The following CSMD1 variants were observed in gnomAD, a reference collection of about 807,000 sequenced individuals.
CSMD1 encodes CUB and sushi domain-containing protein 1.
Under a neutral mutation model 417.5 loss-of-function variants are expected in CSMD1, and 213 were observed. That is an observed-to-expected ratio of 0.51 (90% CI 0.46 to 0.57). CSMD1 has a LOEUF of 0.57. CSMD1 is among the 20% of genes least tolerant of loss of function. The pLI is 0.00. For synonymous variants in CSMD1, 2,862 were observed against 1,736.8 expected (o/e 1.65, Z -16.11); for missense variants, 6,923 against 4,529.7 (o/e 1.53, Z -15.17).
Position 3,441,178 on chromosome 8 carries a change from G to A in CSMD1, c.1561+27534C>T, listed in dbSNP as rs763879260. On this transcript the variant is annotated intron_variant, in intron 12 of 69. Transcript: ENST00000635120. ...GACACTGTAAGCTGTAAAAGGCTGG[G>A]AATGGTTTCTCTCCCCGGGAGATCT... Among the ~76,000 whole-genome samples, 87 of 152,218 alleles carry A rather than the reference G, an allele frequency of 5.7e-4. 1 individual carries two copies. The highest frequency in any genetic ancestry group is 1.8e-3 in the Admixed American group (28 of 15,278).
intron 12 of CSMD1, among the ~76,000 whole-genome samples, chr8:3,446,682 T>A (rs1585177091): frequency 6.6e-6 from 1 of 152,236 alleles, no homozygotes; most frequent in East Asian, 1.9e-4. Flanking sequence ...AAGTAAAAGG[T>A]AAATAGGAAC....
intron 5 of CSMD1, among the ~76,000 whole-genome samples, chr8:3,777,395 C>T (rs151027004): frequency 6.6e-6 from 1 of 152,082 alleles, no homozygotes; most frequent in Non-Finnish European, 1.5e-5. Context: ...TGCATGGCCC[C>T]CTCCACTGCT....
At chr8:3,648,626 C>G (rs750668968) in intron 7 of CSMD1, among the ~76,000 whole-genome samples, 26 of 152,130 alleles carry the variant, frequency 1.7e-4, no homozygotes, top group Admixed American at 3.9e-4. Flanking sequence ...GAACGAGTTT[C>G]TCTAGAGCAT....
intron 2 of CSMD1, among the ~76,000 whole-genome samples, chr8:4,423,389 A>T (rs984417159): frequency 6.6e-6 from 1 of 152,088 alleles, no homozygotes; most frequent in Non-Finnish European, 1.5e-5. Context: ...AACATACAAA[A>T]ATCTATTGTA....
At chr8:3,170,103 G>A (rs1329105623) in intron 37 of CSMD1, among the ~76,000 whole-genome samples, 4 of 152,274 alleles carry the variant, frequency 2.6e-5, no homozygotes, top group African/African-American at 9.6e-5. Context: ...GTGGCAGCCA[G>A]CCCTGCTAGA....
At chr8:4,483,314 G>A (rs11776255) in intron 2 of CSMD1, among the ~76,000 whole-genome samples, 10,782 of 152,172 alleles carry the variant, frequency 0.071, 603 homozygotes, top group Admixed American at 0.18. Context: ...GACCAGTCTC[G>A]GATATGTGTT....
intron 48 of CSMD1, among the ~76,000 whole-genome samples, chr8:3,090,898 T>C (rs1814895980): frequency 6.6e-6 from 1 of 152,162 alleles, no homozygotes; most frequent in Non-Finnish European, 1.5e-5. Context: ...GTCTAATAAA[T>C]ATATTGACTG....
At chr8:3,915,406 A>AG (rs1491339485) in intron 5 of CSMD1, among the ~76,000 whole-genome samples, 12 of 56,916 alleles carry the variant, frequency 2.1e-4, no homozygotes, top group South Asian at 1.1e-3. Flanking sequence ...ACTCTGTCTC[A>AG]AAAAAAAAAA....
intron 1 of CSMD1, among the ~76,000 whole-genome samples, chr8:4,933,357 T>C (rs1807383070): frequency 6.6e-6 from 1 of 152,194 alleles, no homozygotes; most frequent in Non-Finnish European, 1.5e-5. Flanking sequence ...TCCCCCATTT[T>C]GGTAAACTGT....
intron 5 of CSMD1, among the ~76,000 whole-genome samples, chr8:3,772,390 TATATAC>T (rs1798635851): frequency 2.5e-5 from 3 of 120,762 alleles, no homozygotes; most frequent in Non-Finnish European, 4.8e-5. Flanking sequence ...CATATATTTA[TATATAC>T]ACATATATAC....
At chr8:4,340,210 G>A (rs1485182483) in intron 3 of CSMD1, among the ~76,000 whole-genome samples, 2 of 151,988 alleles carry the variant, frequency 1.3e-5, no homozygotes, top group East Asian at 3.9e-4. Flanking sequence ...CCTTCGCCAA[G>A]AAGAGCTTGC....
At chr8:4,836,366 G>T (rs999460712) in intron 1 of CSMD1, among the ~76,000 whole-genome samples, 1 of 152,170 alleles carries the variant, frequency 6.6e-6, no homozygotes, top group Non-Finnish European at 1.5e-5. Flanking sequence ...GTGGAGCCAT[G>T]CCACATCTTG....
chr8:4,723,139 T>A (rs1032746843), intron 1 of CSMD1, among the ~76,000 whole-genome samples: 5 of 152,132 alleles, frequency 3.3e-5, no homozygotes, highest in African/African-American at 1.2e-4. Flanking sequence ...TAAAATCTAT[T>A]TGAGTGCATT....
chr8:3,275,857 C>T (rs1245233640), intron 26 of CSMD1, among the ~76,000 whole-genome samples: 1 of 152,060 alleles, frequency 6.6e-6, no homozygotes, highest in Non-Finnish European at 1.5e-5. Context: ...TTTTCAACTT[C>T]TTTGCCTTTG....
chr8:3,214,972 C>T (rs1797803042), intron 29 of CSMD1, among the ~76,000 whole-genome samples: 1 of 152,132 alleles, frequency 6.6e-6, no homozygotes, highest in Non-Finnish European at 1.5e-5. Flanking sequence ...ATAAAAAATA[C>T]AGTACTACGT....
intron 26 of CSMD1, among the ~76,000 whole-genome samples, chr8:3,264,183 G>C (rs975299919): frequency 6.6e-6 from 1 of 152,086 alleles, no homozygotes; most frequent in African/African-American, 2.4e-5. Flanking sequence ...TTGACACAAG[G>C]CAGACTTGAG....
intron 5 of CSMD1, among the ~76,000 whole-genome samples, chr8:3,822,231 T>C (rs946803434): frequency 2.0e-5 from 3 of 152,180 alleles, no homozygotes; most frequent in Non-Finnish European, 2.9e-5. Context: ...ATGTGCCTGC[T>C]TCCATCACTT....
intron 49 of CSMD1, among the ~76,000 whole-genome samples, chr8:3,067,947 C>G (rs1813054886): frequency 1.3e-5 from 2 of 152,118 alleles, no homozygotes; most frequent in Admixed American, 6.5e-5. Flanking sequence ...TAAAGCCAGA[C>G]TCTAATCCAA....
chr8:3,994,660 C>T (rs939143790), intron 5 of CSMD1, among the ~76,000 whole-genome samples: 1 of 152,038 alleles, frequency 6.6e-6, no homozygotes, highest in South Asian at 2.1e-4. Flanking sequence ...GTACCTATAG[C>T]CTATGAGGCT....
Sources: allele counts gnomAD v4.1 joint callset (sites outside exome capture counted in the v4.1 genomes callset), GRCh38; gene constraint gnomAD v4.1.1; transcripts MANE v1.5; gene names NCBI Gene and HGNC (gene_info 2026-07-23, HGNC 2026-07-21).